The following NUAK1 variants were observed in gnomAD, a reference collection of about 807,000 sequenced individuals.
The protein encoded by NUAK1 is NUAK family kinase 1, also known as NUAK family SNF1-like kinase 1.
Under a neutral mutation model 56.9 loss-of-function variants are expected in NUAK1, and 26 were observed. That is an observed-to-expected ratio of 0.46 (90% CI 0.33 to 0.63). NUAK1 has a LOEUF of 0.63. Ranked by LOEUF, NUAK1 falls within the 30% of genes least tolerant of loss-of-function variation. The pLI is 0.02. For missense variants in NUAK1, 727 were observed against 876.1 expected (o/e 0.83, Z 2.15); for synonymous variants, 337 against 336.0 (o/e 1.00, Z -0.03).
intron 1 of NUAK1, among the ~76,000 whole-genome samples, chr12:106,128,133 TC>T (rs775426651): frequency 0.05 from 7,256 of 144,668 alleles, 477 homozygotes; most frequent in African/African-American, 0.11. Flanking sequence ...CTTTTCTTTT[TC>T]TTTTTTTTTT....
chr12:106,094,069 A>C (rs1265781966), intron 2 of NUAK1, among the ~76,000 whole-genome samples: 1 of 151,720 alleles, frequency 6.6e-6, no homozygotes, highest in African/African-American at 2.4e-5. Flanking sequence ...TCAGCCTCCC[A>C]AAGTGCTGGG....
intron 2 of NUAK1, among the ~76,000 whole-genome samples, chr12:106,092,525 C>T (rs2032645952): frequency 2.0e-5 from 3 of 151,998 alleles, no homozygotes; most frequent in Admixed American, 2.0e-4. Flanking sequence ...ACGTAGTATA[C>T]CTTCTTTTGT....
At position 106,094,337 on chromosome 12, in the gene NUAK1, A is replaced by G. The variant is rs565337225; in HGVS notation, c.362-7452T>C. Among the ~76,000 whole-genome samples the G allele has an allele frequency of 2.0e-4, 30 of 152,356 alleles. 1 individual carries two copies. In the South Asian group the frequency reaches 6.0e-3, roughly 31 times the overall value. On this transcript the variant is annotated intron_variant, in intron 2 of 6. Transcript: ENST00000261402. The stretch of plus-strand genomic sequence containing the variant: ...GGGTGCTCTTTTATTAAAGGTCAGT[A>G]CAGTCCTCACAGAAAGTAGCTTATC...
chr12:106,123,728 C>G (rs1046976773), intron 1 of NUAK1, among the ~76,000 whole-genome samples: 1 of 152,136 alleles, frequency 6.6e-6, no homozygotes, highest in Non-Finnish European at 1.5e-5. Context: ...GTATGCAGCC[C>G]GGCCAAGCCC....
At chr12:106,075,193 C>G (rs2032448113) in intron 4 of NUAK1, among the ~76,000 whole-genome samples, 1 of 152,018 alleles carries the variant, frequency 6.6e-6, no homozygotes, top group African/African-American at 2.4e-5. Context: ...ATCAGCCTCT[C>G]CCAGTAAAAC....
At chr12:106,108,720 G>C (rs2032829607) in intron 1 of NUAK1, among the ~76,000 whole-genome samples, 1 of 152,108 alleles carries the variant, frequency 6.6e-6, no homozygotes, top group Non-Finnish European at 1.5e-5. Context: ...GCTGAACTTG[G>C]CCTCAAGGAG....
intron 2 of NUAK1, among the ~76,000 whole-genome samples, chr12:106,089,747 C>A (rs1373351458): frequency 6.6e-6 from 1 of 152,174 alleles, no homozygotes; most frequent in African/African-American, 2.4e-5. Flanking sequence ...CGAGATCACA[C>A]CACTGCACCC....
intron 1 of NUAK1, among the ~76,000 whole-genome samples, chr12:106,115,448 G>A (rs1034727741): frequency 1.3e-5 from 2 of 152,178 alleles, no homozygotes; most frequent in African/African-American, 2.4e-5. Context: ...AGATAGGGCG[G>A]GAGCAACCGT....
At chr12:106,119,037 C>T (rs762129015) in intron 1 of NUAK1, among the ~76,000 whole-genome samples, 9 of 152,160 alleles carry the variant, frequency 5.9e-5, no homozygotes, top group Admixed American at 2.0e-4. Flanking sequence ...GACTGATGTT[C>T]CAACAGAGAC....
intron 1 of NUAK1, among the ~76,000 whole-genome samples, chr12:106,113,404 G>A (rs944343891): frequency 1.3e-5 from 2 of 152,096 alleles, no homozygotes; most frequent in African/African-American, 4.8e-5. Flanking sequence ...CTGTCCAAGG[G>A]TGGTGAGCAG....
chr12:106,120,802 G>A (rs554656197), intron 1 of NUAK1, among the ~76,000 whole-genome samples: 5 of 152,276 alleles, frequency 3.3e-5, no homozygotes, highest in African/African-American at 7.2e-5. Context: ...CGGACACACC[G>A]GTCCCACAGG....
intron 1 of NUAK1, among the ~76,000 whole-genome samples, chr12:106,133,128 C>T (rs1391795716): frequency 6.6e-6 from 1 of 152,096 alleles, no homozygotes; most frequent in African/African-American, 2.4e-5. Context: ...CCCATCTTAC[C>T]TTACCAATCC....
At position 106,106,430 on chromosome 12, in the gene NUAK1, A is replaced by G; in HGVS notation, c.336T>C (p.His112=). 1 of 1,611,470 alleles carries G rather than the reference A, an allele frequency of 6.2e-7. No homozygotes were observed. The highest frequency in any genetic ancestry group is 1.1e-5 in the South Asian group (1 of 90,738). The change falls in exon 2 of 7, where the codon CAT becomes CAC. Residue 112 remains histidine (H), a synonymous_variant. Coordinates refer to ENST00000261402, the MANE Select transcript of NUAK1 (RefSeq NM_014840.3). ...CTTCATAAATACTGATGATATGAGG[A>G]TGGTTGAGAGATGACATGATCTCAA... The part of the protein sequence containing the change: ...REIEIMSSLN[H]PHIISIYEVF...
chr12:106,109,024 T>A (rs1189896269), intron 1 of NUAK1, among the ~76,000 whole-genome samples: 3 of 152,170 alleles, frequency 2.0e-5, no homozygotes, highest in African/African-American at 7.2e-5. Flanking sequence ...TTTCCTACAA[T>A]GATTTTTCCA....
chr12:106,108,462 C>T (rs1239151955), intron 1 of NUAK1, among the ~76,000 whole-genome samples: 1 of 152,102 alleles, frequency 6.6e-6, no homozygotes, highest in Non-Finnish European at 1.5e-5. Flanking sequence ...CCCAAGTCCT[C>T]ACCACAGCCC....
intron 1 of NUAK1, among the ~76,000 whole-genome samples, chr12:106,122,773 C>A (rs1215601): frequency 6.6e-6 from 1 of 152,064 alleles, no homozygotes; most frequent in East Asian, 1.9e-4. Flanking sequence ...CGGGTGTCCC[C>A]AAGTCCCACT....
Position 106,066,741 on chromosome 12 carries a change from G to T in NUAK1, c.*61C>A. On this transcript the variant is annotated 3_prime_UTR_variant, in exon 7 of 7. Coordinates refer to ENST00000261402, the MANE Select transcript of NUAK1 (RefSeq NM_014840.3). ...CAGCAAAGAGGTAACCAGCCTGTGA[G>T]CCCAAGTCTTGCTCCCCTTCCTCCC... 7.5e-7 allele frequency: 1 copy of T among 1,337,864 alleles called. No individual in the cohort carries two copies. The highest frequency in any genetic ancestry group is 1.0e-6 in the Non-Finnish European group (1 of 961,130). 82.9% of individuals were successfully genotyped at this position (1,337,864 alleles called of 1,614,324 possible).
intron 1 of NUAK1, among the ~76,000 whole-genome samples, chr12:106,131,694 T>C (rs1403497086): frequency 1.3e-5 from 2 of 152,232 alleles, no homozygotes; most frequent in Admixed American, 6.5e-5. Context: ...TAGACATTTG[T>C]GTAGAAGTTT....
intron 2 of NUAK1, among the ~76,000 whole-genome samples, chr12:106,088,429 C>A (rs2032597939): frequency 6.6e-6 from 1 of 152,206 alleles, no homozygotes. Context: ...GCCCCTCCCA[C>A]TGCACTAGTC....
Sources: allele counts gnomAD v4.1 joint callset (sites outside exome capture counted in the v4.1 genomes callset), GRCh38; gene constraint gnomAD v4.1.1; transcripts MANE v1.5; gene names NCBI Gene and HGNC (gene_info 2026-07-23, HGNC 2026-07-21).